The following ZNF587B variants were observed in gnomAD, a reference collection of about 807,000 sequenced individuals.
ZNF587B encodes the protein zinc finger protein 587B.
Under a neutral mutation model 7.2 loss-of-function variants are expected in ZNF587B, and 6 were observed. The observed-to-expected ratio is 0.83, with a 90% CI of 0.46 to 1.65. The LOEUF is 1.65. ZNF587B is among the 40% of genes most tolerant of loss of function. The pLI is 0.01. For synonymous variants in ZNF587B, 274 were observed against 254.3 expected (o/e 1.08, Z -0.74); for missense variants, 749 against 761.0 (o/e 0.98, Z 0.19).
Position 57,844,595 on chromosome 19 carries a change from T to C in ZNF587B, c.*2019T>C, listed in dbSNP as rs1418174705. ...TTGCATAGCTGCCCAAGGCCTCCAG[T>C]GGACGACTTCATGGCTTTGTGGTCT... is the stretch of plus-strand genomic sequence containing the variant. On this transcript the variant is annotated 3_prime_UTR_variant, in exon 3 of 3. Coordinates refer to ENST00000594901, the MANE Select transcript of ZNF587B (RefSeq NM_001376223.1). 1 of 156,848 alleles carries C rather than the reference T, an allele frequency of 6.4e-6. No homozygotes were observed. Among genetic ancestry groups the C allele is most frequent in the Non-Finnish European group, 1.4e-5 (1 of 70,546 alleles). The allele number at this position is 156,848 out of a possible 1,614,324, so 9.7% of individuals were successfully genotyped here.
chr19:57,830,883 G>T (rs554586808), intron 1 of ZNF587B, among the ~76,000 whole-genome samples: 1 of 152,172 alleles, frequency 6.6e-6, no homozygotes, highest in Admixed American at 6.5e-5. Context: ...GAAGGGGCTA[G>T]ATTTTCTTTT....
chr19:57,832,163 T>C (rs1358046893), intron 1 of ZNF587B, among the ~76,000 whole-genome samples: 5 of 152,042 alleles, frequency 3.3e-5, no homozygotes, highest in Non-Finnish European at 5.9e-5. Context: ...CTCGGCTCAC[T>C]GCAAGCTCCA....
chr19:57,842,463 A>G lies in ZNF587B; in HGVS notation c.1789A>G (p.Arg597Gly). ...TGGAATCTCCAGTCTCACTAATCAC[A>G]GGAGAGTTCACACTGGAGAAAAGCC... is the stretch of plus-strand genomic sequence containing the variant. ...FAGISSLTNH[R>G]RVHTGEKPYG... Residue 597 changes from arginine (R) to glycine (G), a missense_variant, in exon 3 of 3, where the codon AGG becomes GGG. This residue lies in a region of ZNF587B where 656 missense variants were observed against 596.5 expected (regional missense o/e 1.10). Coordinates refer to ENST00000594901, the MANE Select transcript of ZNF587B (RefSeq NM_001376223.1). The G allele has an allele frequency of 6.3e-7, 1 of 1,599,130 alleles. No individual in the cohort carries two copies. Among genetic ancestry groups the G allele is most frequent in the Non-Finnish European group, 8.5e-7 (1 of 1,174,532 alleles).
intron 1 of ZNF587B, among the ~76,000 whole-genome samples, chr19:57,836,495 T>C (rs1988608687): frequency 6.6e-6 from 1 of 152,146 alleles, no homozygotes; most frequent in African/African-American, 2.4e-5. Context: ...CCCATTTAAC[T>C]CTCTTTTTAT....
chr19:57,830,902 G>A (rs540532085), intron 1 of ZNF587B, among the ~76,000 whole-genome samples: 7 of 152,216 alleles, frequency 4.6e-5, no homozygotes, highest in Non-Finnish European at 1.0e-4. Context: ...TTATACTTTG[G>A]TTTAGAAAGG....
intron 1 of ZNF587B, among the ~76,000 whole-genome samples, chr19:57,832,081 G>A (rs1273268391): frequency 6.6e-6 from 1 of 151,018 alleles, no homozygotes; most frequent in African/African-American, 2.4e-5. Context: ...AATACAAATT[G>A]TCTTTTTCTT....
Position 57,844,924 on chromosome 19 carries a change from T to G in ZNF587B, c.*2348T>G, listed in dbSNP as rs980430403. On this transcript the variant is annotated 3_prime_UTR_variant, in exon 3 of 3. Coordinates refer to ENST00000594901, the MANE Select transcript of ZNF587B (RefSeq NM_001376223.1). The stretch of plus-strand genomic sequence containing the variant: ...ATGAAATTATAATTTTATGGTTACT[T>G]AGTTACTGCATTTATAGTCAGCAGA... 1.3e-5 allele frequency: 2 copies of G among 152,190 alleles called. No homozygotes were observed. The highest frequency in any genetic ancestry group is 4.8e-5 in the African/African-American group (2 of 41,438). 9.4% of individuals were successfully genotyped at this position (152,190 alleles called of 1,614,324 possible). A position where few individuals can be genotyped will look rare whatever the true frequency, so the allele number is the denominator to read the frequency against.
At chr19:57,837,845 A>C (rs944690401) in intron 1 of ZNF587B, among the ~76,000 whole-genome samples, 19 of 151,930 alleles carry the variant, frequency 1.3e-4, no homozygotes, top group African/African-American at 4.4e-4. Context: ...TCAGCCTCCT[A>C]AAGCACTGGT....
rs770222570 is a variant in ZNF587B at position 57,841,119 on chromosome 19, A to G, written c.445A>G (p.Arg149Gly). The change falls in exon 3 of 3, where the codon AGA becomes GGA. Residue 149 changes from arginine (R) to glycine (G), a missense_variant. Around this residue, in one of 3 missense-constraint regions of ZNF587B, gnomAD observed 656 missense variants for 596.5 expected, o/e 1.10. Transcript: ENST00000594901. Reference protein sequence around the residue: ...QNEHIGEKPYRGSVEEALFVK... With the variant: ...QNEHIGEKPYGGSVEEALFVK... The stretch of plus-strand genomic sequence containing the variant: ...TGAGCACATTGGAGAGAAACCCTAC[A>G]GAGGGAGTGTTGAGGAGGCGTTGTT... 3 of 1,614,140 alleles carry G rather than the reference A, an allele frequency of 1.9e-6. No individual in the cohort carries two copies. Among genetic ancestry groups the G allele is most frequent in the Non-Finnish European group, 2.5e-6 (3 of 1,180,026 alleles).
chr19:57,838,789 C>G (rs1988730137), intron 1 of ZNF587B, among the ~76,000 whole-genome samples: 1 of 152,124 alleles, frequency 6.6e-6, no homozygotes, highest in Non-Finnish European at 1.5e-5. Context: ...CTCGGCCATA[C>G]TAGGGAAAGT....
chr19:57,838,978 C>T (rs1988737044), intron 1 of ZNF587B, 45 bp from the exon 2 acceptor site: 1 of 1,594,406 alleles, frequency 6.3e-7, no homozygotes, highest in Admixed American at 1.7e-5. Context: ...TGTGATACCT[C>T]AGCATAGGGG....
Position 57,843,802 on chromosome 19 carries a change from A to G in ZNF587B, c.*1226A>G, listed in dbSNP as rs1482052441. Among the ~76,000 whole-genome samples, 2 of 151,730 alleles carry G rather than the reference A, an allele frequency of 1.3e-5. No homozygotes were observed. Among genetic ancestry groups the G allele is most frequent in the African/African-American group, 2.4e-5 (1 of 41,300 alleles). On this transcript the variant is annotated 3_prime_UTR_variant, in exon 3 of 3. Coordinates refer to ENST00000594901, the MANE Select transcript of ZNF587B (RefSeq NM_001376223.1). ...CTTTTAGTAGAGATGGGGTTTCACT[A>G]TGTTGGTCAAACTGATCTTGAACTC...
intron 1 of ZNF587B, among the ~76,000 whole-genome samples, chr19:57,831,440 C>A (rs572094504): frequency 1.9e-4 from 29 of 152,308 alleles, no homozygotes; most frequent in South Asian, 1.4e-3. Flanking sequence ...GTTGCCCAGG[C>A]TGGATGCAAT....
rs1380227948 is a variant in ZNF587B at position 57,843,075 on chromosome 19, A to C, written c.*499A>C. On this transcript the variant is annotated 3_prime_UTR_variant, in exon 3 of 3. Coordinates refer to ENST00000594901, the MANE Select transcript of ZNF587B (RefSeq NM_001376223.1). ...CAGTGCTGCGATCGTAGCTCACTGCATCCTCCGCCCCCTAGGCTCAAGTGA... is the reference window on the plus strand; with the variant it reads ...CAGTGCTGCGATCGTAGCTCACTGCCTCCTCCGCCCCCTAGGCTCAAGTGA... 1.3e-6 allele frequency: 1 copy of C among 783,692 alleles called. No homozygotes were observed. Among genetic ancestry groups the C allele is most frequent in the Non-Finnish European group, 1.5e-6 (1 of 645,982 alleles). The allele number at this position is 783,692 out of a possible 1,614,324, so 48.5% of individuals were successfully genotyped here.
Position 57,843,129 on chromosome 19 carries a change from G to A in ZNF587B, c.*553G>A, listed in dbSNP as rs797007834. 6 of 569,012 alleles carry A rather than the reference G, an allele frequency of 1.1e-5. No individual in the cohort carries two copies. The African/African-American group carries it at 1.2e-4, about 12-fold the overall frequency. 35.2% of individuals were successfully genotyped at this position (569,012 alleles called of 1,614,324 possible). A position where few individuals can be genotyped will look rare whatever the true frequency, so the allele number is the denominator to read the frequency against. On this transcript the variant is annotated 3_prime_UTR_variant, in exon 3 of 3. Coordinates refer to ENST00000594901, the MANE Select transcript of ZNF587B (RefSeq NM_001376223.1). Reference sequence around the variant, plus strand: ...TCCCACCTTAGCCTCCATGTAGCTGGGTCCACAGGCATGCACCACCATGCC... The same window carrying A: ...TCCCACCTTAGCCTCCATGTAGCTGAGTCCACAGGCATGCACCACCATGCC...
In ZNF587B at chr19:57,843,272, T is replaced by C. The variant is rs568943121; in HGVS notation, c.*696T>C. The C allele has an allele frequency of 2.0e-6, 2 of 984,866 alleles. No individual in the cohort carries two copies. Among genetic ancestry groups the C allele is most frequent in the Non-Finnish European group, 2.4e-6 (2 of 829,436 alleles). The allele number at this position is 984,866 out of a possible 1,614,324, so 61.0% of individuals were successfully genotyped here. A position where few individuals can be genotyped will look rare whatever the true frequency, so the allele number is the denominator to read the frequency against. ...CTCCCAAAGTGCTGAGATTGTAGGT[T>C]TGAGTCACTGTGCTCAGCCAATTAT... On this transcript the variant is annotated 3_prime_UTR_variant, in exon 3 of 3. Transcript: ENST00000594901.
In ZNF587B at chr19:57,841,776, A is replaced by C. The variant is rs1483890614; in HGVS notation, c.1102A>C (p.Ser368Arg). ...TGAGAAATCTTTTAGTCGGAAGCCC[A>C]GCCTTAGTTACCATCAGCGCATTCA... ...ECEKSFSRKP[S>R]LSYHQRIHTE... Residue 368 changes from serine to arginine, a missense_variant, in exon 3 of 3, where the codon AGC becomes CGC. This residue lies in a region of ZNF587B where 656 missense variants were observed against 596.5 expected (regional missense o/e 1.10). Transcript: ENST00000594901. 6.2e-6 allele frequency: 10 copies of C among 1,609,700 alleles called. No homozygotes were observed. Among genetic ancestry groups the C allele is most frequent in the African/African-American group, 4.0e-5 (3 of 74,776 alleles).
chr19:57,843,599 TG>T lies in ZNF587B; in HGVS notation c.*1024del, dbSNP rs376226101. ...GGTTGGTTGGTTGGTTGTTTTTTTT[TG>T]TTTTTTTTTTTTTTTTTTTTGGAGA... On this transcript the variant is annotated 3_prime_UTR_variant, in exon 3 of 3. Transcript: ENST00000594901. The T allele has an allele frequency of 1.6e-3, 1,283 of 807,446 alleles. 22 individuals carry two copies. The highest frequency in any genetic ancestry group is 9.9e-3 in the African/African-American group (314 of 31,874). The allele number at this position is 807,446 out of a possible 1,614,324, so 50.0% of individuals were successfully genotyped here. A position where few individuals can be genotyped will look rare whatever the true frequency, so the allele number is the denominator to read the frequency against.
intron 1 of ZNF587B, among the ~76,000 whole-genome samples, chr19:57,832,381 G>A (rs1174383615): frequency 1.3e-5 from 2 of 152,190 alleles, no homozygotes; most frequent in East Asian, 1.9e-4. Context: ...CACTGTGCCC[G>A]GCCAATTCTA....
Sources: allele counts gnomAD v4.1 joint callset (sites outside exome capture counted in the v4.1 genomes callset), GRCh38; gene constraint gnomAD v4.1.1; regional missense constraint gnomAD v4.1.1; transcripts MANE v1.5; gene names NCBI Gene and HGNC (gene_info 2026-07-23, HGNC 2026-07-21).